Variants in CLNK observed in about 807,000 individuals in gnomAD.
The protein encoded by CLNK is cytokine-dependent hematopoietic cell linker.
A neutral mutation model predicts 68.6 loss-of-function variants in CLNK; 74 were observed. The observed-to-expected ratio is 1.08, with a 90% CI of 0.89 to 1.31. The LOEUF (loss-of-function observed/expected upper bound fraction) is 1.31, where lower values mean the gene tolerates loss of function less well. CLNK is among the 50% of genes most tolerant of loss of function. The probability of loss-of-function intolerance (pLI) is 0.00; values close to 1 mark genes in which losing one functional copy is unlikely to be tolerated. For missense variants in CLNK, 553 were observed against 515.3 expected, an observed-to-expected ratio of 1.07 and a Z score of -0.71; for synonymous variants, 198 against 172.2, an observed-to-expected ratio of 1.15 and a Z score of -1.17.
At chr4:10,571,901 T>C in intron 4 of CLNK, 123 bp from the exon 5 acceptor site, 1 of 730,234 alleles carries the variant, frequency 1.4e-6, no homozygotes, top group South Asian at 1.7e-5. Context: ...ACCTTGATTG[T>C]GATTTTTCAA....
rs1320986421 is a variant in CLNK, at chr4:10,514,009, T to G, written c.773-412A>C. ...ATCTCCCAATGCTATCCCTCCCCCC[T>G]CCCCCCTCCCCACCACAGTCCCCAG... On this transcript the variant is annotated intron_variant, in intron 15 of 18. Transcript: ENST00000226951. Among the ~76,000 whole-genome samples the G allele has an allele frequency of 5.3e-5, 4 of 75,964 alleles. No homozygotes were observed. In the East Asian group the frequency reaches 1.9e-3, roughly 35 times the overall value. The allele number at this position is 75,964 out of a possible 152,430, so 49.8% of individuals were successfully genotyped here.
At chr4:10,546,752 GT>G (rs200407704) in intron 8 of CLNK, among the ~76,000 whole-genome samples, 6 of 151,040 alleles carry the variant, frequency 4.0e-5, no homozygotes, top group Non-Finnish European at 5.9e-5. Flanking sequence ...GTGTTAGTCT[GT>G]TTTTTTTTGT....
intron 3 of CLNK, among the ~76,000 whole-genome samples, chr4:10,593,485 T>G (rs951905725): frequency 2.0e-5 from 3 of 151,946 alleles, no homozygotes; most frequent in African/African-American, 4.8e-5. Flanking sequence ...CGAAACCCCA[T>G]CTCTACTAAA....
the CLNK span, among the ~76,000 whole-genome samples, chr4:10,720,542 C>A: frequency 1.3e-5 from 2 of 151,514 alleles, no homozygotes; most frequent in African/African-American, 4.8e-5. Context: ...TGAGTTATCC[C>A]TACATACCTA....
intron 16 of CLNK, among the ~76,000 whole-genome samples, chr4:10,511,612 A>T (rs151210310): frequency 6.6e-6 from 1 of 152,292 alleles, no homozygotes; most frequent in East Asian, 1.9e-4. Context: ...TCCTGGAATC[A>T]TATATTTGTC....
upstream of CLNK, among the ~76,000 whole-genome samples, chr4:10,685,984 G>T (rs533168069): frequency 6.6e-6 from 1 of 152,164 alleles, no homozygotes; most frequent in South Asian, 2.1e-4. Flanking sequence ...AATTTTCTGG[G>T]GTTTTCATAA....
chr4:10,570,391 TAG>T (rs896629401), intron 5 of CLNK, among the ~76,000 whole-genome samples: 18 of 151,600 alleles, frequency 1.2e-4, no homozygotes, highest in Non-Finnish European at 2.2e-4. Context: ...TGTACTTCTT[TAG>T]AGAGAGAGAG....
At chr4:10,664,756 C>A (rs1246903634) in intron 2 of CLNK, among the ~76,000 whole-genome samples, 1 of 152,226 alleles carries the variant, frequency 6.6e-6, no homozygotes, top group Non-Finnish European at 1.5e-5. Context: ...AGATCAACAG[C>A]ATCTCCCAGC....
In CLNK at chr4:10,681,464, C is replaced by A. The variant is rs999609406; in HGVS notation, c.-43+3204G>T. On this transcript the variant is annotated intron_variant, in intron 1 of 18. Transcript: ENST00000226951. The stretch of plus-strand genomic sequence containing the variant: ...AGAACCTACCACTGTTAAAGATTAT[C>A]ATCCAATCACATGGATATTAAATTT... Among the ~76,000 whole-genome samples the A allele has an allele frequency of 2.6e-5, 4 of 152,292 alleles. No homozygotes were observed. In the South Asian group the frequency reaches 8.3e-4, roughly 32 times the overall value.
At chr4:10,569,932 C>G (rs1720274953) in intron 5 of CLNK, among the ~76,000 whole-genome samples, 1 of 152,060 alleles carries the variant, frequency 6.6e-6, no homozygotes, top group Non-Finnish European at 1.5e-5. Context: ...TCTTTTTTCT[C>G]TAGGTGATGT....
intron 2 of CLNK, among the ~76,000 whole-genome samples, chr4:10,665,662 CAAAA>C (rs57998581): frequency 6.4e-5 from 4 of 62,888 alleles, no homozygotes; most frequent in African/African-American, 1.9e-4. Context: ...GACTTCGTCT[CAAAA>C]AAAAAAAAAA....
At chr4:10,614,087 A>G (rs777104271) in intron 2 of CLNK, among the ~76,000 whole-genome samples, 1 of 152,206 alleles carries the variant, frequency 6.6e-6, no homozygotes, top group Non-Finnish European at 1.5e-5. Flanking sequence ...TCCAGCTGTA[A>G]TATAGGAATT....
intron 5 of CLNK, among the ~76,000 whole-genome samples, chr4:10,568,733 T>C (rs1219671680): frequency 6.6e-6 from 1 of 152,172 alleles, no homozygotes; most frequent in Non-Finnish European, 1.5e-5. Flanking sequence ...GGAAGCAAGT[T>C]CCTCTTCAGA....
At chr4:10,521,856 T>C (rs1718080733) in intron 14 of CLNK, among the ~76,000 whole-genome samples, 1 of 152,190 alleles carries the variant, frequency 6.6e-6, no homozygotes, top group African/African-American at 2.4e-5. Context: ...GCTAATAGTA[T>C]AGGATTTTTA....
intron 10 of CLNK, among the ~76,000 whole-genome samples, 188 bp from the exon 11 acceptor site, chr4:10,540,792 C>A (rs1451733813): frequency 1.3e-5 from 2 of 152,156 alleles, no homozygotes; most frequent in African/African-American, 2.4e-5. Context: ...ACATAATTTT[C>A]TATGGGGAGT....
the CLNK span, among the ~76,000 whole-genome samples, chr4:10,719,127 A>G: frequency 1.3e-3 from 193 of 152,252 alleles, 4 homozygotes; most frequent in South Asian, 0.038. Context: ...CAGGAAAAAT[A>G]AAACAGAAAT....
At position 10,558,942 on chromosome 4, in the gene CLNK, C is replaced by T. The variant is rs1719785360; in HGVS notation, c.400-490G>A. 4.6e-5 allele frequency among the ~76,000 whole-genome samples: 7 copies of T among 152,118 alleles called. 1 individual carries two copies. The highest frequency in any genetic ancestry group is 4.6e-4 in the Admixed American group (7 of 15,274). On this transcript the variant is annotated intron_variant, in intron 7 of 18. Transcript: ENST00000226951. Reference sequence around the variant, plus strand: ...TGACAAATTACTTAGCCTCAGTTTCCTGAGGCTTAGTTTCCTTATCTGTGA... The same window carrying T: ...TGACAAATTACTTAGCCTCAGTTTCTTGAGGCTTAGTTTCCTTATCTGTGA...
intron 4 of CLNK, among the ~76,000 whole-genome samples, chr4:10,581,142 G>A (rs1188253360): frequency 1.3e-5 from 2 of 152,146 alleles, no homozygotes; most frequent in Non-Finnish European, 2.9e-5. Context: ...AGGATGTTTT[G>A]TTTGTAACCT....
intron 7 of CLNK, among the ~76,000 whole-genome samples, chr4:10,562,101 CT>C (rs11345903): frequency 0.17 from 22,087 of 128,948 alleles, 1,535 homozygotes; most frequent in African/African-American, 0.24. Context: ...TTTTTCTTTT[CT>C]TTTTTTTTTT....
Sources: allele counts gnomAD v4.1 joint callset (sites outside exome capture counted in the v4.1 genomes callset), GRCh38; gene constraint gnomAD v4.1.1; transcripts MANE v1.5; gene names NCBI Gene and HGNC (gene_info 2026-07-23, HGNC 2026-07-21).